SBF2: variants seen among roughly 807,000 people sequenced by gnomAD.
The protein encoded by SBF2 is myotubularin-related protein 13.
In SBF2, 112 loss-of-function variants were observed where a neutral mutation model predicts 225.2. The ratio of observed to expected loss-of-function variants is 0.50; its 90% confidence interval spans 0.43 to 0.58. The LOEUF is 0.58. Among genes scored for constraint, SBF2 ranks in the 20% least tolerant of loss-of-function variants. The probability of loss-of-function intolerance (pLI) is 0.00; values close to 1 mark genes in which losing one functional copy is unlikely to be tolerated. For synonymous variants in SBF2, 763 were observed against 773.3 expected (o/e 0.99, Z 0.22); for missense variants, 1,996 against 2,206.2 (o/e 0.90, Z 1.91).
chr11:10,213,916 AAC>A (rs1350333764), intron 1 of SBF2, among the ~76,000 whole-genome samples: 5 of 152,206 alleles, frequency 3.3e-5, no homozygotes, highest in African/African-American at 1.2e-4. Flanking sequence ...CTCTGCACTG[AAC>A]ACAGTTTAAT....
intron 13 of SBF2, among the ~76,000 whole-genome samples, chr11:9,982,686 A>G (rs1178179698): frequency 6.6e-6 from 1 of 152,166 alleles, no homozygotes; most frequent in South Asian, 2.1e-4. Flanking sequence ...AGCAATCTGG[A>G]GAGGAACCAC....
At chr11:9,855,352 G>T (rs545404148) in intron 19 of SBF2, among the ~76,000 whole-genome samples, 20 of 152,282 alleles carry the variant, frequency 1.3e-4, no homozygotes, top group South Asian at 8.3e-4. Context: ...AAGATTAAAA[G>T]GTTTGGGCCA....
intron 2 of SBF2, among the ~76,000 whole-genome samples, chr11:10,061,524 C>A (rs1203679239): frequency 6.6e-6 from 1 of 152,102 alleles, no homozygotes; most frequent in African/African-American, 2.4e-5. Flanking sequence ...ACGAAAATCA[C>A]TAGCATTCCT....
intron 1 of SBF2, among the ~76,000 whole-genome samples, chr11:10,245,133 CAAAA>C (rs60827616): frequency 3.2e-5 from 3 of 92,526 alleles, no homozygotes. Flanking sequence ...GACCCTGTCT[CAAAA>C]AAAAAAAAAA....
chr11:10,294,101 C>T lies in SBF2; in HGVS notation c.-32G>A, dbSNP rs1208400289. 8 of 1,324,034 alleles carry T rather than the reference C, an allele frequency of 6.0e-6. No homozygotes were observed. Among genetic ancestry groups the T allele is most frequent in the Non-Finnish European group, 7.7e-6 (8 of 1,038,436 alleles). The allele number at this position is 1,324,034 out of a possible 1,614,324, so 82.0% of individuals were successfully genotyped here. ...CGCCGCCGCGCTCGGGAAGCGGGTC[C>T]CCGTCGCCGCCCTCGCCGCCGCCGC... On this transcript the variant is annotated 5_prime_UTR_variant, in exon 1 of 40. Transcript: ENST00000256190.
At position 10,059,936 on chromosome 11, in the gene SBF2, C is replaced by T. The variant is rs1038543832; in HGVS notation, c.142-16955G>A. Among the ~76,000 whole-genome samples the T allele has an allele frequency of 3.9e-5, 6 of 152,032 alleles. No individual in the cohort carries two copies. In the South Asian group the frequency reaches 6.2e-4, roughly 16 times the overall value. On this transcript the variant is annotated intron_variant, in intron 2 of 39. Transcript: ENST00000256190. ...GTCCACATCAAAAAGTTAGGAATAT[C>T]TCAAATTAACAACCTAACTTCACAA... is the stretch of plus-strand genomic sequence containing the variant.
chr11:10,153,965 G>A (rs930392637), intron 2 of SBF2, among the ~76,000 whole-genome samples: 4 of 151,676 alleles, frequency 2.6e-5, no homozygotes, highest in African/African-American at 7.3e-5. Flanking sequence ...TTTAAAAATC[G>A]GTTGTCCATA....
At chr11:10,132,580 T>G (rs1032910901) in intron 2 of SBF2, among the ~76,000 whole-genome samples, 3 of 148,682 alleles carry the variant, frequency 2.0e-5, no homozygotes, top group Non-Finnish European at 4.5e-5. Flanking sequence ...GGGCTCGTGG[T>G]CTCGCTGGGC....
chr11:10,036,737 A>C (rs978932888), intron 3 of SBF2, among the ~76,000 whole-genome samples: 2 of 152,190 alleles, frequency 1.3e-5, no homozygotes, highest in African/African-American at 4.8e-5. Flanking sequence ...ATACTCTTAT[A>C]TGTAACCTTT....
rs758341369 is a variant in SBF2 at position 9,856,517 on chromosome 11, G to A, written c.2304C>T (p.Leu768=). The change falls in exon 19 of 40, where the codon CTC becomes CTT. Residue 768 remains leucine, a synonymous_variant. Transcript: ENST00000256190. ...LVPLDTSKNK[L]LRTSAPGDWE... is the part of the protein sequence containing the mutation. ...AGTCACCTGGCGCTGATGTTCTTAG[G>A]AGCTTGTTTTTACTTGTGTCGAGTG... 1.4e-5 allele frequency: 22 copies of A among 1,614,030 alleles called. No individual in the cohort carries two copies. The Admixed American group carries it at 3.0e-4, about 22-fold the overall frequency.
chr11:9,989,075 TAC>T (rs570830064), intron 13 of SBF2, among the ~76,000 whole-genome samples: 4 of 150,860 alleles, frequency 2.7e-5, no homozygotes, highest in Non-Finnish European at 4.4e-5. Flanking sequence ...TACATACACA[TAC>T]ACACACACAC....
Position 9,789,131 on chromosome 11 carries a change from T to G in SBF2, c.4910A>C (p.Asp1637Ala). ...CYDDVSCTQP[D>A]ALTSLFSEIE... The stretch of plus-strand genomic sequence containing the variant: ...TACACTGAAAAGGCTGGTGAGAGCA[T>G]CAGGCTGAGTACAGCTGACATCATC... Residue 1637 changes from aspartate (D) to alanine (A), a missense_variant, in exon 35 of 40, where the codon GAT (aspartate) becomes GCT (alanine). By Grantham distance (126) the Asp-to-Ala change is moderately radical. Transcript: ENST00000256190. 1.9e-6 allele frequency: 3 copies of G among 1,614,138 alleles called. No individual in the cohort carries two copies. The highest frequency in any genetic ancestry group is 2.5e-6 in the Non-Finnish European group (3 of 1,180,008).
chr11:10,298,664 T>C (rs1160289974), upstream of SBF2, among the ~76,000 whole-genome samples: 1 of 152,182 alleles, frequency 6.6e-6, no homozygotes, highest in African/African-American at 2.4e-5. Context: ...GGTGGAAAAT[T>C]CCCTGATCCA....
intron 9 of SBF2, among the ~76,000 whole-genome samples, chr11:9,996,178 A>G (rs1276304030): frequency 6.6e-6 from 1 of 152,124 alleles, no homozygotes; most frequent in African/African-American, 2.4e-5. Context: ...ATCTTTGTTA[A>G]TTTTGCTACT....
chr11:9,994,577 CATAT>C (rs377348270), intron 9 of SBF2, among the ~76,000 whole-genome samples: 8 of 134,078 alleles, frequency 6.0e-5, no homozygotes, highest in African/African-American at 1.4e-4. Context: ...TATATATGTA[CATAT>C]ATATATATAT....
intron 2 of SBF2, among the ~76,000 whole-genome samples, chr11:10,058,383 A>T (rs779702822): frequency 2.6e-5 from 4 of 152,256 alleles, no homozygotes; most frequent in Non-Finnish European, 5.9e-5. Flanking sequence ...ACAAGTATTA[A>T]GAGTAGAATA....
chr11:9,862,262 C>T (rs1233880651), intron 17 of SBF2, among the ~76,000 whole-genome samples: 1 of 152,146 alleles, frequency 6.6e-6, no homozygotes, highest in Non-Finnish European at 1.5e-5. Context: ...GCACTGTGTC[C>T]CTCAGTGAGG....
intron 27 of SBF2, chr11:9,829,806 G>C (rs1298996347): frequency 2.8e-6 from 1 of 353,616 alleles, no homozygotes; most frequent in East Asian, 6.5e-5. Flanking sequence ...GAAAGCACAG[G>C]GCATAGCTTC....
intron 2 of SBF2, among the ~76,000 whole-genome samples, chr11:10,103,503 A>G (rs941858738): frequency 3.3e-5 from 5 of 152,200 alleles, no homozygotes; most frequent in African/African-American, 1.2e-4. Context: ...ATGTTAAATT[A>G]TTGTGTGCCA....
Sources: allele counts gnomAD v4.1 joint callset (sites outside exome capture counted in the v4.1 genomes callset), GRCh38; gene constraint gnomAD v4.1.1; transcripts MANE v1.5; gene names NCBI Gene and HGNC (gene_info 2026-07-23, HGNC 2026-07-21).